Variants in ATRNL1 observed in about 807,000 individuals in gnomAD.
ATRNL1 encodes attractin-like protein 1.
A neutral mutation model predicts 182.7 loss-of-function variants in ATRNL1; 95 were observed. The observed-to-expected ratio is 0.52, with a 90% confidence interval of 0.44 to 0.62. ATRNL1 has a LOEUF of 0.62. Ranked by LOEUF, ATRNL1 falls within the 20% of genes least tolerant of loss-of-function variation. The pLI is 0.00. For missense variants in ATRNL1, 1,471 were observed against 1,679.5 expected, an observed-to-expected ratio of 0.88 and a Z score of 2.17; for synonymous variants, 576 against 568.3, an observed-to-expected ratio of 1.01 and a Z score of -0.19.
chr10:115,936,811 G>T lies in ATRNL1; in HGVS notation c.4019-7847G>T, dbSNP rs75930597. On this transcript the variant is annotated intron_variant, in intron 28 of 28. Transcript: ENST00000355044. ...TTGTCAAGTATCAGAATTGTTGGGG[G>T]TTTTTTTAATTGAAAGAAGAAAATA... 2.3e-3 allele frequency among the ~76,000 whole-genome samples: 357 copies of T among 152,090 alleles called. 12 individuals are homozygous for T. The East Asian group carries it at 0.063, about 27-fold the overall frequency.
At chr10:115,462,126 C>T in intron 22 of ATRNL1, 91 bp downstream of exon 22, 3 of 837,870 alleles carry the variant, frequency 3.6e-6, no homozygotes, top group Non-Finnish European at 5.5e-6. Context: ...TCAGAATTAT[C>T]ACATTGTAGG....
At chr10:115,815,828 T>C (rs1950151763) in intron 27 of ATRNL1, among the ~76,000 whole-genome samples, 1 of 152,144 alleles carries the variant, frequency 6.6e-6, no homozygotes, top group Non-Finnish European at 1.5e-5. Flanking sequence ...ATATATGCTA[T>C]ACATTTTATC....
intron 26 of ATRNL1, among the ~76,000 whole-genome samples, chr10:115,630,873 CAT>C (rs71303505): frequency 3.8e-4 from 49 of 127,772 alleles, no homozygotes; most frequent in Middle Eastern, 4.3e-3. Flanking sequence ...CACACACACA[CAT>C]TGGAATTTTT....
intron 21 of ATRNL1, among the ~76,000 whole-genome samples, chr10:115,432,700 G>A (rs1846227344): frequency 6.6e-6 from 1 of 152,004 alleles, no homozygotes; most frequent in Non-Finnish European, 1.5e-5. Context: ...TCACAAAGGA[G>A]GGAAAACGTT....
chr10:115,905,454 T>G, intron 28 of ATRNL1, among the ~76,000 whole-genome samples: 1 of 151,776 alleles, frequency 6.6e-6, no homozygotes, highest in East Asian at 1.9e-4. Context: ...GGTCTTGAAC[T>G]CCTGGGCTCA....
intron 26 of ATRNL1, among the ~76,000 whole-genome samples, chr10:115,551,019 T>C (rs1044912877): frequency 6.6e-6 from 1 of 151,796 alleles, no homozygotes; most frequent in Admixed American, 6.6e-5. Context: ...ATATCTGCCA[T>C]TAACTGGCAG....
chr10:115,286,277 T>C lies in ATRNL1; in HGVS notation c.2295T>C (p.Ser765=). 2 of 1,597,056 alleles carry C rather than the reference T, an allele frequency of 1.3e-6. No homozygotes were observed. Among genetic ancestry groups the C allele is most frequent in the Non-Finnish European group, 1.7e-6 (2 of 1,165,274 alleles). The change falls in exon 15 of 29, where the codon AGT becomes AGC. Residue 765 remains serine (S), a synonymous_variant. Coordinates refer to ENST00000355044, the MANE Select transcript of ATRNL1 (RefSeq NM_207303.4). ...ATGCTTGTCTTAGAGTCAATTCCAG[T>C]AGAGAAAACTATGACAATGCAAAAC... ...IGDACLRVNS[S]RENYDNAKLY...
At chr10:115,806,860 A>G (rs1555085741) in intron 27 of ATRNL1, among the ~76,000 whole-genome samples, 1 of 152,176 alleles carries the variant, frequency 6.6e-6, no homozygotes, top group Admixed American at 6.5e-5. Flanking sequence ...TAATATGCAT[A>G]GTACCTGGTA....
intron 28 of ATRNL1, among the ~76,000 whole-genome samples, chr10:115,890,723 G>T (rs1051058225): frequency 6.6e-6 from 1 of 152,150 alleles, no homozygotes; most frequent in African/African-American, 2.4e-5. Flanking sequence ...AAGAAATATA[G>T]CCCCGTAATG....
At chr10:115,491,242 C>T (rs1054130183) in intron 24 of ATRNL1, among the ~76,000 whole-genome samples, 3 of 152,068 alleles carry the variant, frequency 2.0e-5, no homozygotes, top group African/African-American at 4.8e-5. Flanking sequence ...CACTTGAGGC[C>T]GTCTGTTCCT....
intron 21 of ATRNL1, among the ~76,000 whole-genome samples, chr10:115,442,295 CTCTCTCTCTG>C (rs1426184091): frequency 6.0e-5 from 8 of 132,440 alleles, no homozygotes; most frequent in Non-Finnish European, 1.1e-4. Context: ...CTCTCTCTCT[CTCTCTCTCTG>C]TGTGTATGTG....
At chr10:115,302,409 T>A (rs1853517489) in intron 17 of ATRNL1, among the ~76,000 whole-genome samples, 1 of 152,196 alleles carries the variant, frequency 6.6e-6, no homozygotes, top group Admixed American at 6.5e-5. Context: ...TATCTTTTCC[T>A]TATATGACTT....
At chr10:115,915,448 G>T (rs1952821514) in intron 28 of ATRNL1, among the ~76,000 whole-genome samples, 1 of 152,012 alleles carries the variant, frequency 6.6e-6, no homozygotes, top group Non-Finnish European at 1.5e-5. Flanking sequence ...AAGTGCTAAG[G>T]ATATAATGAT....
chr10:115,441,655 C>T (rs976919758), intron 21 of ATRNL1, among the ~76,000 whole-genome samples: 3 of 151,886 alleles, frequency 2.0e-5, no homozygotes, highest in African/African-American at 7.2e-5. Flanking sequence ...TGTTTGATAT[C>T]ATCATTTAGA....
chr10:115,933,643 A>T (rs1461160785), intron 28 of ATRNL1, among the ~76,000 whole-genome samples: 1 of 152,216 alleles, frequency 6.6e-6, no homozygotes, highest in African/African-American at 2.4e-5. Context: ...GAAATTTCTC[A>T]AGAGACATGC....
At position 115,160,037 on chromosome 10, in the gene ATRNL1, T is replaced by C; in HGVS notation, c.830-3T>C. Reference sequence around the variant, plus strand: ...GTGTGTTGTTTCATTTTTTTTTTAATAGGTCCTGATTGTTCTTTGAATGTT... The same window carrying C: ...GTGTGTTGTTTCATTTTTTTTTTAACAGGTCCTGATTGTTCTTTGAATGTT... On this transcript the variant is annotated splice_region_variant and splice_polypyrimidine_tract_variant and intron_variant, in intron 5 of 28. Coordinates refer to ENST00000355044, the MANE Select transcript of ATRNL1 (RefSeq NM_207303.4). 1.3e-6 allele frequency: 2 copies of C among 1,563,718 alleles called. No individual in the cohort carries two copies. Among genetic ancestry groups the C allele is most frequent in the Non-Finnish European group, 1.7e-6 (2 of 1,154,864 alleles).
intron 27 of ATRNL1, among the ~76,000 whole-genome samples, chr10:115,810,942 T>G (rs1555086855): frequency 6.6e-6 from 1 of 151,878 alleles, no homozygotes; most frequent in East Asian, 1.9e-4. Context: ...AGAAATAGCT[T>G]TTGGGCTTTA....
At chr10:115,764,797 C>A (rs1421138159) in intron 27 of ATRNL1, among the ~76,000 whole-genome samples, 3 of 152,080 alleles carry the variant, frequency 2.0e-5, no homozygotes, top group African/African-American at 7.2e-5. Context: ...CTGCAGCCTC[C>A]CAAGTAGCTG....
chr10:115,462,873 G>A (rs1847883129), intron 22 of ATRNL1, among the ~76,000 whole-genome samples: 1 of 151,942 alleles, frequency 6.6e-6, no homozygotes, highest in Non-Finnish European at 1.5e-5. Flanking sequence ...CTCTTAGGTT[G>A]TGTCGAAATA....
Sources: gnomAD v4.1 joint callset for allele counts (sites outside exome capture counted in the v4.1 genomes callset) on GRCh38, gnomAD v4.1.1 for gene constraint, MANE v1.5 for transcripts, NCBI Gene and HGNC (gene_info 2026-07-23, HGNC 2026-07-21) for gene names.